HYCC1: variants seen among roughly 807,000 people sequenced by gnomAD.
HYCC1 encodes hyccin.
At chr7:22,947,305 T>C in the HYCC1 span, 3 of 1,434,734 alleles carry the variant, frequency 2.1e-6, no homozygotes, top group East Asian at 2.5e-5. Context: ...AAACGTGAAA[T>C]GAGAAAAGCA....
At chr7:23,013,532 C>T in the HYCC1 span, among the ~76,000 whole-genome samples, 1 of 152,186 alleles carries the variant, frequency 6.6e-6, no homozygotes, top group South Asian at 2.1e-4. Context: ...CCGCCCCAGG[C>T]CCACCCGGCA....
At chr7:22,945,357 A>G in the HYCC1 span, 7 of 541,828 alleles carry the variant, frequency 1.3e-5, no homozygotes, top group East Asian at 6.2e-5. Flanking sequence ...AAGAGGAGGG[A>G]AAAAAAAGAC....
the HYCC1 span, chr7:22,946,233 C>T: frequency 8.1e-7 from 1 of 1,229,126 alleles, no homozygotes; most frequent in Non-Finnish European, 1.2e-6. Context: ...TGATTAACAC[C>T]AAATCAGTTA....
At chr7:23,011,205 T>C in the HYCC1 span, among the ~76,000 whole-genome samples, 4 of 152,218 alleles carry the variant, frequency 2.6e-5, no homozygotes, top group Non-Finnish European at 5.9e-5. Flanking sequence ...TGAGAGTCTG[T>C]TCTCTGGCTG....
the HYCC1 span, among the ~76,000 whole-genome samples, chr7:22,979,487 A>G: frequency 6.6e-6 from 1 of 152,182 alleles, no homozygotes; most frequent in Non-Finnish European, 1.5e-5. Flanking sequence ...ATTCAGAGAT[A>G]GCAAGAAAAG....
the HYCC1 span, among the ~76,000 whole-genome samples, chr7:22,908,524 T>C: frequency 8.5e-5 from 13 of 152,190 alleles, no homozygotes; most frequent in Non-Finnish European, 1.8e-4. Context: ...GAGCTGTTAA[T>C]TCCATGCATC....
the HYCC1 span, chr7:22,976,196 G>A: frequency 2.3e-5 from 35 of 1,515,692 alleles, no homozygotes; most frequent in Non-Finnish European, 3.1e-5. Context: ...AGAAGCACTT[G>A]AATTTTACTT....
the HYCC1 span, among the ~76,000 whole-genome samples, chr7:22,901,221 C>CAAAAAA: frequency 9.3e-5 from 2 of 21,522 alleles, no homozygotes; most frequent in Admixed American, 8.1e-4. Flanking sequence ...GACCCTGTCT[C>CAAAAAA]AAAAAAAAAA....
the HYCC1 span, chr7:22,984,003 T>G: frequency 6.2e-7 from 1 of 1,609,058 alleles, no homozygotes; most frequent in Non-Finnish European, 8.5e-7. Flanking sequence ...CTCTTGTCTT[T>G]CAAATTTGTG....
chr7:23,012,014 T>A, the HYCC1 span, among the ~76,000 whole-genome samples: 1 of 152,212 alleles, frequency 6.6e-6, no homozygotes. Flanking sequence ...GTTACTAACA[T>A]CTTGTATGTT....
chr7:22,991,205 C>A, the HYCC1 span: 1 of 1,027,426 alleles, frequency 9.7e-7, no homozygotes, highest in Non-Finnish European at 1.5e-6. Flanking sequence ...TTACTATGAA[C>A]AGAGATAATC....
the HYCC1 span, among the ~76,000 whole-genome samples, chr7:22,991,786 A>AC: frequency 6.6e-6 from 1 of 152,114 alleles, no homozygotes; most frequent in Non-Finnish European, 1.5e-5. Flanking sequence ...ATTTTTCTTT[A>AC]CCTATCCATT....
the HYCC1 span, among the ~76,000 whole-genome samples, chr7:22,954,554 C>T: frequency 6.6e-6 from 1 of 151,158 alleles, no homozygotes; most frequent in African/African-American, 2.4e-5. Context: ...TAAAGAGAAG[C>T]AATTATTTTA....
chr7:22,918,489 T>C, the HYCC1 span, among the ~76,000 whole-genome samples: 2 of 152,060 alleles, frequency 1.3e-5, no homozygotes, highest in African/African-American at 2.4e-5. Flanking sequence ...CCAAAAATTT[T>C]TGCCACCCCA....
the HYCC1 span, among the ~76,000 whole-genome samples, chr7:22,993,193 CA>C: frequency 1.8e-4 from 28 of 152,026 alleles, no homozygotes; most frequent in Non-Finnish European, 3.8e-4. Context: ...ATGGGGAGGA[CA>C]AAAAGAACCA....
chr7:22,968,622 C>G, the HYCC1 span, among the ~76,000 whole-genome samples: 2 of 152,174 alleles, frequency 1.3e-5, no homozygotes, highest in African/African-American at 4.8e-5. Flanking sequence ...AAGTCTCAGG[C>G]TGTCACCCCC....
the HYCC1 span, among the ~76,000 whole-genome samples, chr7:22,964,216 T>G: frequency 6.6e-6 from 1 of 152,272 alleles, no homozygotes; most frequent in South Asian, 2.1e-4. Flanking sequence ...TGGTTAGAAA[T>G]TCTTCAGAAC....
At chr7:23,001,511 A>T in the HYCC1 span, among the ~76,000 whole-genome samples, 8 of 152,212 alleles carry the variant, frequency 5.3e-5, no homozygotes, top group Admixed American at 5.2e-4. Context: ...ATTGAAAAGT[A>T]GGATATTTTC....
At chr7:22,905,260 G>A in the HYCC1 span, among the ~76,000 whole-genome samples, 1 of 151,896 alleles carries the variant, frequency 6.6e-6, no homozygotes. Context: ...AGGCTGGAGT[G>A]CAGTGGTGAT....
Sources: allele counts gnomAD v4.1 joint callset (sites outside exome capture counted in the v4.1 genomes callset), GRCh38; gene constraint gnomAD v4.1.1; transcripts MANE v1.5; gene names NCBI Gene and HGNC (gene_info 2026-07-23, HGNC 2026-07-21).